The following SLC14A2 variants were observed in gnomAD, a reference collection of about 807,000 sequenced individuals.
SLC14A2 encodes the protein solute carrier family 14 member 2, also known as urea transporter 2.
Under a neutral mutation model 104.6 loss-of-function variants are expected in SLC14A2, and 91 were observed. The observed-to-expected ratio is 0.87, with a 90% CI of 0.73 to 1.04. The LOEUF is 1.04. Ranked by LOEUF, SLC14A2 falls within the 50% of genes least tolerant of loss-of-function variation. SLC14A2 has a pLI of 0.00. For synonymous variants in SLC14A2, 476 were observed against 466.4 expected, an observed-to-expected ratio of 1.02 and a Z score of -0.27; for missense variants, 1,189 against 1,156.0, an observed-to-expected ratio of 1.03 and a Z score of -0.41.
intron 1 of SLC14A2, among the ~76,000 whole-genome samples, chr18:45,316,563 T>C (rs1176192072): frequency 1.3e-5 from 2 of 152,196 alleles, no homozygotes; most frequent in Non-Finnish European, 2.9e-5. Context: ...GGACCCGATA[T>C]AAAGGTTTAG....
intron 1 of SLC14A2, among the ~76,000 whole-genome samples, chr18:45,308,545 T>C (rs1355904572): frequency 1.3e-5 from 2 of 152,126 alleles, no homozygotes; most frequent in Non-Finnish European, 2.9e-5. Context: ...CTGCATGAGG[T>C]TACCTCTCCA....
chr18:45,351,167 C>A (rs2085499689), intron 1 of SLC14A2, among the ~76,000 whole-genome samples: 1 of 152,118 alleles, frequency 6.6e-6, no homozygotes, highest in Admixed American at 6.6e-5. Context: ...GAAACATAAT[C>A]ACCTATTTGT....
At chr18:45,377,936 C>T (rs2085792868) in intron 1 of SLC14A2, among the ~76,000 whole-genome samples, 1 of 152,200 alleles carries the variant, frequency 6.6e-6, no homozygotes. Context: ...AAGGAAATCT[C>T]ACAAATTCCC....
At chr18:45,563,252 C>T (rs565100744) in intron 2 of SLC14A2, among the ~76,000 whole-genome samples, 4 of 152,194 alleles carry the variant, frequency 2.6e-5, no homozygotes, top group African/African-American at 9.7e-5. Flanking sequence ...AGTGCCACCC[C>T]AGACCCCGCC....
intron 1 of SLC14A2, among the ~76,000 whole-genome samples, chr18:45,241,526 G>C (rs1256290057): frequency 6.6e-6 from 1 of 152,102 alleles, no homozygotes; most frequent in Non-Finnish European, 1.5e-5. Context: ...GGTGAAGACA[G>C]AGGTGCAGCC....
chr18:45,456,087 G>A (rs774396477), intron 1 of SLC14A2, among the ~76,000 whole-genome samples: 12 of 152,134 alleles, frequency 7.9e-5, no homozygotes, highest in Non-Finnish European at 1.6e-4. Flanking sequence ...CCTGTGCATT[G>A]TAGAATGTTT....
At chr18:45,325,347 G>T (rs553991317) in intron 1 of SLC14A2, among the ~76,000 whole-genome samples, 108 of 152,262 alleles carry the variant, frequency 7.1e-4, no homozygotes, top group African/African-American at 2.5e-3. Context: ...TTTCACAGCT[G>T]CCCCTTTGCT....
chr18:45,382,305 A>ATG (rs1378270047), intron 1 of SLC14A2, among the ~76,000 whole-genome samples: 5 of 90,166 alleles, frequency 5.5e-5, no homozygotes, highest in Non-Finnish European at 1.5e-4. Flanking sequence ...GAGGAACTTA[A>ATG]TATAAGCTCT....
chr18:45,531,750 G>C (rs2144833708), intron 2 of SLC14A2, among the ~76,000 whole-genome samples: 1 of 152,148 alleles, frequency 6.6e-6, no homozygotes. Context: ...ATTGCTTTTG[G>C]TGTTTTAGAC....
At chr18:45,661,474 G>T (rs542033546) in intron 10 of SLC14A2, among the ~76,000 whole-genome samples, 1 of 152,290 alleles carries the variant, frequency 6.6e-6, no homozygotes, top group South Asian at 2.1e-4. Flanking sequence ...GCAGCATCAG[G>T]GTGGAAAGAG....
chr18:45,360,283 A>G (rs372220310), intron 1 of SLC14A2, among the ~76,000 whole-genome samples: 134 of 152,350 alleles, frequency 8.8e-4, no homozygotes, highest in African/African-American at 2.7e-3. Flanking sequence ...TCAGTGGGCA[A>G]TGATGATTTT....
At chr18:45,589,937 G>A (rs1402533688) in intron 2 of SLC14A2, among the ~76,000 whole-genome samples, 1 of 152,196 alleles carries the variant, frequency 6.6e-6, no homozygotes, top group Non-Finnish European at 1.5e-5. Context: ...GAGCTCCTTA[G>A]GACCCCAGCA....
At position 45,392,310 on chromosome 18, in the gene SLC14A2, G is replaced by T. The variant is rs1389807275; in HGVS notation, c.-124-90923G>T. Among the ~76,000 whole-genome samples, 4 of 152,234 alleles carry T rather than the reference G, an allele frequency of 2.6e-5. No homozygotes were observed. In the South Asian group the frequency reaches 8.3e-4, roughly 32 times the overall value. ...ACTGTGTATCTAAGGGTTTGATTTT[G>T]TTTGATCTATGTGAGTTTTTACTGC... On this transcript the variant is annotated intron_variant, in intron 1 of 20. Coordinates refer to the SLC14A2 transcript ENST00000586448.
intron 2 of SLC14A2, among the ~76,000 whole-genome samples, chr18:45,520,716 C>T (rs2043505284): frequency 6.6e-6 from 1 of 152,134 alleles, no homozygotes. Context: ...TGTGGGTTCT[C>T]ACACATCTAG....
intron 1 of SLC14A2, among the ~76,000 whole-genome samples, chr18:45,444,857 C>A (rs897688836): frequency 5.3e-5 from 8 of 152,182 alleles, no homozygotes; most frequent in African/African-American, 1.9e-4. Context: ...CTACCAACAT[C>A]AAAGTCATTA....
At chr18:45,438,761 G>C (rs767595271) in intron 1 of SLC14A2, among the ~76,000 whole-genome samples, 18 of 152,148 alleles carry the variant, frequency 1.2e-4, no homozygotes, top group Non-Finnish European at 2.4e-4. Flanking sequence ...ATAGGAAAAT[G>C]GACAGGAATA....
chr18:45,189,563 C>T, the SLC14A2 span, among the ~76,000 whole-genome samples: 1 of 152,164 alleles, frequency 6.6e-6, no homozygotes, highest in Non-Finnish European at 1.5e-5. Flanking sequence ...GACGCTGGGT[C>T]TTGTACTTGG....
intron 1 of SLC14A2, among the ~76,000 whole-genome samples, chr18:45,246,189 A>G (rs1183818868): frequency 1.3e-5 from 2 of 152,178 alleles, no homozygotes; most frequent in African/African-American, 4.8e-5. Context: ...ATTCACATAG[A>G]GAGGAAAGGC....
rs745875172 is a variant in SLC14A2 at position 45,667,858 on chromosome 18, T to C, written c.1743T>C (p.Phe581=). ...ACAAGTCCCCAGTGTTCCAGTTCTT[T>C]GACTGGGTCCTCCGAGGCACATCTC... ...LKDKSPVFQF[F]DWVLRGTSQV... Residue 581 remains phenylalanine (F), a synonymous_variant, in exon 14 of 20, where the codon TTT becomes TTC. Transcript: ENST00000255226. 2 of 1,614,062 alleles carry C rather than the reference T, an allele frequency of 1.2e-6. No homozygotes were observed. Among genetic ancestry groups the C allele is most frequent in the Non-Finnish European group, 1.7e-6 (2 of 1,180,014 alleles).
Sources: gnomAD v4.1 joint callset for allele counts (sites outside exome capture counted in the v4.1 genomes callset) on GRCh38, gnomAD v4.1.1 for gene constraint, MANE v1.5 for transcripts, NCBI Gene and HGNC (gene_info 2026-07-23, HGNC 2026-07-21) for gene names.